NBEA: variants seen among roughly 807,000 people sequenced by gnomAD.
NBEA encodes neurobeachin.
In NBEA, 44 loss-of-function variants were observed where a neutral mutation model predicts 343.4. The ratio of observed to expected loss-of-function variants is 0.13; its 90% CI spans 0.10 to 0.16. The LOEUF (loss-of-function observed/expected upper bound fraction) is 0.16. Ranked by LOEUF, NBEA falls within the 10% of genes least tolerant of loss-of-function variation. The pLI is 1.00. For synonymous variants in NBEA, 1,175 were observed against 1,238.7 expected (o/e 0.95, Z 1.08); for missense variants, 2,555 against 3,631.3 (o/e 0.70, Z 7.62).
chr13:35,508,157 C>G (rs938155185), intron 41 of NBEA, among the ~76,000 whole-genome samples: 5 of 152,058 alleles, frequency 3.3e-5, no homozygotes, highest in Admixed American at 2.6e-4. Context: ...TAGTAGAATC[C>G]AGACCTGTTT....
chr13:35,018,068 G>A (rs1375004421), intron 1 of NBEA, among the ~76,000 whole-genome samples: 1 of 151,934 alleles, frequency 6.6e-6, no homozygotes, highest in Non-Finnish European at 1.5e-5. Context: ...TTATTTGTGG[G>A]TTTATTTTTG....
chr13:35,568,061 C>T (rs963303301), intron 45 of NBEA, among the ~76,000 whole-genome samples: 3 of 152,120 alleles, frequency 2.0e-5, no homozygotes, highest in African/African-American at 7.2e-5. Flanking sequence ...AATAGTTGTA[C>T]AGATCTAATG....
At chr13:35,368,795 C>T (rs886979996) in intron 38 of NBEA, among the ~76,000 whole-genome samples, 5 of 151,526 alleles carry the variant, frequency 3.3e-5, no homozygotes, top group Non-Finnish European at 7.4e-5. Flanking sequence ...TTCCTTGTTA[C>T]GTATTTACCA....
At chr13:35,457,702 G>A (rs2152950092) in intron 40 of NBEA, among the ~76,000 whole-genome samples, 2 of 151,984 alleles carry the variant, frequency 1.3e-5, no homozygotes, top group African/African-American at 4.8e-5. Context: ...TCTGCCTCCC[G>A]GGTTCACGCC....
intron 1 of NBEA, among the ~76,000 whole-genome samples, chr13:35,026,993 G>A (rs570670508): frequency 1.3e-5 from 2 of 152,004 alleles, no homozygotes; most frequent in African/African-American, 4.8e-5. Flanking sequence ...AAATAGAATC[G>A]TATTTTATGT....
chr13:35,668,222 G>T (rs945219620), intron 57 of NBEA, 146 bp from the exon 58 acceptor site: 15 of 629,502 alleles, frequency 2.4e-5, no homozygotes, highest in Non-Finnish European at 3.0e-5. Flanking sequence ...ACAAATGACT[G>T]ACAGTAGGCA....
intron 38 of NBEA, among the ~76,000 whole-genome samples, chr13:35,404,302 A>T (rs2043150297): frequency 6.6e-6 from 1 of 151,976 alleles, no homozygotes; most frequent in African/African-American, 2.4e-5. Context: ...ACACATGCAC[A>T]CGTATGTTTA....
intron 10 of NBEA, among the ~76,000 whole-genome samples, chr13:35,092,438 G>C (rs766294292): frequency 1.3e-5 from 2 of 151,956 alleles, no homozygotes; most frequent in Non-Finnish European, 2.9e-5. Flanking sequence ...CACAGTACAG[G>C]CTGGAGGAAG....
intron 55 of NBEA, among the ~76,000 whole-genome samples, chr13:35,660,231 C>G (rs2085020068): frequency 6.6e-6 from 1 of 152,174 alleles, no homozygotes; most frequent in Admixed American, 6.5e-5. Context: ...AACAGACACT[C>G]AAAATACATT....
At chr13:35,075,149 C>A (rs994663782) in intron 10 of NBEA, among the ~76,000 whole-genome samples, 4 of 152,128 alleles carry the variant, frequency 2.6e-5, no homozygotes, top group African/African-American at 9.7e-5. Flanking sequence ...AAGCCTGACT[C>A]TAGAGCTCTG....
intron 38 of NBEA, among the ~76,000 whole-genome samples, chr13:35,381,924 T>A (rs2042031795): frequency 6.6e-6 from 1 of 152,184 alleles, no homozygotes; most frequent in African/African-American, 2.4e-5. Flanking sequence ...TTTAATTATC[T>A]TCTTCTATTT....
chr13:35,552,624 A>T (rs774457308), intron 43 of NBEA, among the ~76,000 whole-genome samples: 4 of 152,172 alleles, frequency 2.6e-5, no homozygotes, highest in Non-Finnish European at 5.9e-5. Flanking sequence ...TCAGGAATTG[A>T]CATTAAGAAC....
chr13:35,212,972 A>G (rs2073868800), intron 33 of NBEA, among the ~76,000 whole-genome samples: 3 of 151,704 alleles, frequency 2.0e-5, no homozygotes, highest in South Asian at 4.2e-4. Flanking sequence ...TTTTCTTATC[A>G]TTATCAATAT....
chr13:35,350,489 A>G (rs1175419982), intron 37 of NBEA, among the ~76,000 whole-genome samples: 1 of 151,948 alleles, frequency 6.6e-6, no homozygotes, highest in East Asian at 1.9e-4. Flanking sequence ...CCCCCACCCG[A>G]CACACACCAA....
At chr13:35,222,086 G>A (rs899795116) in intron 33 of NBEA, among the ~76,000 whole-genome samples, 2 of 151,956 alleles carry the variant, frequency 1.3e-5, no homozygotes, top group African/African-American at 4.8e-5. Flanking sequence ...TATAGTTATT[G>A]TGTTTATGAT....
chr13:34,981,130 T>C (rs765203421), intron 1 of NBEA, among the ~76,000 whole-genome samples: 3 of 152,204 alleles, frequency 2.0e-5, no homozygotes, highest in Non-Finnish European at 2.9e-5. Context: ...CTCTCCATGT[T>C]TGCCTTTTCT....
At chr13:35,488,591 G>C (rs1417410042) in intron 41 of NBEA, among the ~76,000 whole-genome samples, 1 of 151,858 alleles carries the variant, frequency 6.6e-6, no homozygotes, top group African/African-American at 2.4e-5. Context: ...CTTGTAGACT[G>C]TTATAGGAAT....
chr13:34,987,385 C>T lies in NBEA; in HGVS notation c.294+44271C>T, dbSNP rs537368964. On this transcript the variant is annotated intron_variant, in intron 1 of 58. Coordinates refer to ENST00000379939, the MANE Select transcript of NBEA (RefSeq NM_001385012.1). ...TCTGCTGTTAGTCTGATGGGCTTCC[C>T]TTTGTGGGTAACCCGACCTTTCTCT... is the stretch of plus-strand genomic sequence containing the variant. 8.6e-5 allele frequency among the ~76,000 whole-genome samples: 13 copies of T among 151,116 alleles called. 1 individual carries two copies. In the East Asian group the frequency reaches 1.7e-3, roughly 20 times the overall value.
intron 47 of NBEA, 120 bp downstream of exon 47, chr13:35,593,567 A>G: frequency 3.1e-6 from 2 of 638,900 alleles, no homozygotes; most frequent in Middle Eastern, 4.0e-4. Flanking sequence ...TATTAAAATT[A>G]TATGGTACAT....
Sources: allele counts gnomAD v4.1 joint callset (sites outside exome capture counted in the v4.1 genomes callset), GRCh38; gene constraint gnomAD v4.1.1; transcripts MANE v1.5; gene names NCBI Gene and HGNC (gene_info 2026-07-23, HGNC 2026-07-21).